CEMIP2: variants seen among roughly 807,000 people sequenced by gnomAD.
CEMIP2 encodes the protein cell surface hyaluronidase CEMIP2.
Under a neutral mutation model 146.9 loss-of-function variants are expected in CEMIP2, and 79 were observed. The ratio of observed to expected loss-of-function variants is 0.54; its 90% CI spans 0.45 to 0.65. CEMIP2 has a LOEUF of 0.65. CEMIP2 is among the 30% of genes least tolerant of loss of function. CEMIP2 has a pLI of 0.00. For synonymous variants in CEMIP2, 601 were observed against 606.3 expected (o/e 0.99, Z 0.13); for missense variants, 1,596 against 1,696.2 (o/e 0.94, Z 1.04).
intron 4 of CEMIP2, among the ~76,000 whole-genome samples, chr9:71,741,547 A>G (rs1823915002): frequency 6.6e-6 from 1 of 151,810 alleles, no homozygotes; most frequent in Non-Finnish European, 1.5e-5. Flanking sequence ...ATCACTATCC[A>G]ACAGATTTTA....
Position 71,685,173 on chromosome 9 carries a change from C to G in CEMIP2, c.*24G>C. On this transcript the variant is annotated 3_prime_UTR_variant, in exon 24 of 24. Coordinates refer to ENST00000377044, the MANE Select transcript of CEMIP2 (RefSeq NM_013390.3). ...AAGTTAGTTCACATTTTTTTTCCCCCAGCACTTAAGTTACAGTTAGTCTCT... is the reference window on the plus strand; with the variant it reads ...AAGTTAGTTCACATTTTTTTTCCCCGAGCACTTAAGTTACAGTTAGTCTCT... 1 of 1,548,974 alleles carries G rather than the reference C, an allele frequency of 6.5e-7. No individual in the cohort carries two copies. The highest frequency in any genetic ancestry group is 8.7e-7 in the Non-Finnish European group (1 of 1,144,628).
chr9:71,753,134 A>G (rs923108215), intron 1 of CEMIP2, among the ~76,000 whole-genome samples: 2 of 152,184 alleles, frequency 1.3e-5, no homozygotes, highest in Admixed American at 6.5e-5. Context: ...TAACGTAGGT[A>G]TTCTTGAGTG....
rs530634845 is a variant in CEMIP2, at chr9:71,727,381, C to G, written c.2050-1672G>C. ...CACTTTCCAGTTAGAAACTCTAGCA[C>G]AAACCTCATACAGGCTCAAAAATAT... On this transcript the variant is annotated intron_variant, in intron 10 of 23. Coordinates refer to ENST00000377044, the MANE Select transcript of CEMIP2 (RefSeq NM_013390.3). Among the ~76,000 whole-genome samples the G allele has an allele frequency of 2.0e-5, 3 of 152,290 alleles. No homozygotes were observed. In the East Asian group the frequency reaches 5.8e-4, roughly 29 times the overall value.
chr9:71,728,287 A>ACG (rs1334005502), intron 10 of CEMIP2, among the ~76,000 whole-genome samples: 732 of 21,632 alleles, frequency 0.034, 195 homozygotes, highest in South Asian at 0.063. Context: ...ATATGTATAT[A>ACG]TATATATATA....
In CEMIP2 at chr9:71,712,118, T is replaced by C. The variant is rs1463687679; in HGVS notation, c.2734A>G (p.Arg912Gly). Residue 912 changes from arginine (R) to glycine (G), a missense_variant, in exon 16 of 24, where the codon AGG becomes GGG. Coordinates refer to ENST00000377044, the MANE Select transcript of CEMIP2 (RefSeq NM_013390.3). The part of the protein sequence containing the change: ...LMKNSWQITP[R>G]NNISLVKFGP... ...AACTTCACGAGGGAGATATTATTCC[T>C]GGGGGTTATCTGCCAGGAATTCTTC... 2.5e-6 allele frequency: 4 copies of C among 1,614,182 alleles called. No homozygotes were observed. The highest frequency in any genetic ancestry group is 3.4e-6 in the Non-Finnish European group (4 of 1,180,018).
chr9:71,732,165 C>T (rs936962173), intron 7 of CEMIP2, among the ~76,000 whole-genome samples, 186 bp downstream of exon 7: 12 of 152,004 alleles, frequency 7.9e-5, no homozygotes, highest in African/African-American at 2.9e-4. Context: ...ACTAGAGGTC[C>T]AGGTCAACTA....
Position 71,683,544 on chromosome 9 carries a change from A to T in CEMIP2, c.*1653T>A, listed in dbSNP as rs1006722636. 226 of 58,238 alleles carry T rather than the reference A, an allele frequency of 3.9e-3. 3 individuals carry two copies. Among genetic ancestry groups the T allele is most frequent in the African/African-American group, 0.02 (207 of 10,328 alleles). The allele number at this position is 58,238 out of a possible 1,614,324, so 3.6% of individuals were successfully genotyped here. ...AACACACACACACACACACACACAC[A>T]CACACACTCTAATGACCTTCAGGAA... On this transcript the variant is annotated 3_prime_UTR_variant, in exon 24 of 24. Transcript: ENST00000377044.
At chr9:71,715,625 G>GATATATATATATATATATATAT (rs71790721) in intron 14 of CEMIP2, among the ~76,000 whole-genome samples, 30 of 119,074 alleles carry the variant, frequency 2.5e-4, no homozygotes, top group South Asian at 8.9e-4. Context: ...TCCCTCTTAA[G>GATATATATATATATATATATAT]ATATATATAT....
chr9:71,750,122 A>G lies in CEMIP2; in HGVS notation c.252T>C (p.Ile84=), dbSNP rs1564024681. 3 of 1,613,942 alleles carry G rather than the reference A, an allele frequency of 1.9e-6. No individual in the cohort carries two copies. The highest frequency in any genetic ancestry group is 2.5e-6 in the Non-Finnish European group (3 of 1,179,990). Residue 84 remains isoleucine, a synonymous_variant, in exon 2 of 24, where the codon ATT becomes ATC. Transcript: ENST00000377044. ...ATGAGAAACTAGTAATAGCAAAACA[A>G]ATGAAAGTATTTTTGTGTCTCTTTT... The part of the protein sequence containing the change: ...QKQKRHKNTF[I]CFAITSFSFF...
At chr9:71,737,878 C>G (rs1823804722) in intron 5 of CEMIP2, among the ~76,000 whole-genome samples, 1 of 152,130 alleles carries the variant, frequency 6.6e-6, no homozygotes, top group South Asian at 2.1e-4. Flanking sequence ...ATTCTAACAA[C>G]AATAATGATA....
chr9:71,745,489 TGAA>T lies in CEMIP2; in HGVS notation c.560_562del (p.Leu187del). 3 of 1,613,742 alleles carry T rather than the reference TGAA, an allele frequency of 1.9e-6. No individual in the cohort carries two copies. Among genetic ancestry groups the T allele is most frequent in the Non-Finnish European group, 2.5e-6 (3 of 1,179,872 alleles). On this transcript the variant is annotated inframe_deletion, in exon 4 of 24. Transcript: ENST00000377044. ...ATAGCGGCATTTTTCTGCTCCAATA[TGAA>T]GCGCCCCACCATCCTGGATCAGGAT... is the stretch of plus-strand genomic sequence containing the variant.
chr9:71,766,241 T>A (rs1824789042), intron 1 of CEMIP2, among the ~76,000 whole-genome samples: 1 of 151,884 alleles, frequency 6.6e-6, no homozygotes, highest in Admixed American at 6.6e-5. Context: ...GCTAATTTTT[T>A]TTTGTATTTT....
intron 20 of CEMIP2, among the ~76,000 whole-genome samples, 158 bp from the exon 21 acceptor site, chr9:71,694,765 T>A (rs1822346304): frequency 6.6e-6 from 1 of 152,236 alleles, no homozygotes; most frequent in South Asian, 2.1e-4. Flanking sequence ...TTGATATTCT[T>A]AACACAGTAA....
rs187850180 is a variant in CEMIP2 at position 71,700,885 on chromosome 9, T to C, written c.3195-61A>G. On this transcript the variant is annotated intron_variant, in intron 18 of 23. Coordinates refer to ENST00000377044, the MANE Select transcript of CEMIP2 (RefSeq NM_013390.3). Reference sequence around the variant, plus strand: ...TTCAGCCATTATCTGTTAAGTACTATAGCGTATGCAGATAACTGTCCTTCA... The same window carrying C: ...TTCAGCCATTATCTGTTAAGTACTACAGCGTATGCAGATAACTGTCCTTCA... The C allele has an allele frequency of 4.0e-4, 578 of 1,432,814 alleles. 1 individual carries two copies. Among genetic ancestry groups the C allele is most frequent in the Non-Finnish European group, 5.2e-4 (555 of 1,067,362 alleles). The allele number at this position is 1,432,814 out of a possible 1,614,324, so 88.8% of individuals were successfully genotyped here. A position where few individuals can be genotyped will look rare whatever the true frequency, so the allele number is the denominator to read the frequency against.
rs1823572831 is a variant in CEMIP2, at chr9:71,730,120, T to C, written c.1907A>G (p.Asn636Ser). 1 of 1,614,208 alleles carries C rather than the reference T, an allele frequency of 6.2e-7. No individual in the cohort carries two copies. The change falls in exon 9 of 24, where the codon AAC becomes AGC. Residue 636 changes from asparagine (N) to serine (S), a missense_variant. Physicochemically the swap from Asn to Ser is conservative, Grantham distance 46. Transcript: ENST00000377044. ...TCGCATGGTGGTACACATGGAGTTG[T>C]TCCTATCGGTGGGCAGGAGAGTACC... ...KPGTLLPTDR[N>S]NSMCTTMRDK...
At chr9:71,714,087 C>T (rs976451516) in intron 15 of CEMIP2, among the ~76,000 whole-genome samples, 22 of 152,108 alleles carry the variant, frequency 1.4e-4, no homozygotes, top group African/African-American at 4.3e-4. Context: ...CCTCACTCTG[C>T]GCCACCACTC....
At chr9:71,733,703 T>C (rs150993122) in intron 6 of CEMIP2, among the ~76,000 whole-genome samples, 8 of 152,282 alleles carry the variant, frequency 5.3e-5, no homozygotes, top group African/African-American at 1.7e-4. Flanking sequence ...AGAAAAGCAA[T>C]AGAATGAGTG....
chr9:71,720,184 T>G (rs1431476228), intron 12 of CEMIP2, among the ~76,000 whole-genome samples: 1 of 152,224 alleles, frequency 6.6e-6, no homozygotes, highest in Non-Finnish European at 1.5e-5. Context: ...TAGATTAAAT[T>G]TCCTAATTTC....
chr9:71,701,581 ATTTT>A (rs201363288), intron 18 of CEMIP2, among the ~76,000 whole-genome samples: 1 of 152,080 alleles, frequency 6.6e-6, no homozygotes, highest in African/African-American at 2.4e-5. Flanking sequence ...ATTCTAAATA[ATTTT>A]TTTGTTTATA....
Sources: allele counts gnomAD v4.1 joint callset (sites outside exome capture counted in the v4.1 genomes callset), GRCh38; gene constraint gnomAD v4.1.1; transcripts MANE v1.5; gene names NCBI Gene and HGNC (gene_info 2026-07-23, HGNC 2026-07-21).